The following DDX10 variants were observed in gnomAD, a reference collection of about 807,000 sequenced individuals.
DDX10 encodes the protein probable ATP-dependent RNA helicase DDX10.
In DDX10, 74 loss-of-function variants were observed where a neutral mutation model predicts 104.3. The observed-to-expected ratio is 0.71, with a 90% CI of 0.59 to 0.86. The LOEUF (loss-of-function observed/expected upper bound fraction) is 0.86. Ranked by LOEUF, DDX10 falls within the 40% of genes least tolerant of loss-of-function variation. DDX10 has a pLI of 0.00. For missense variants in DDX10, 952 were observed against 1,040.0 expected, an observed-to-expected ratio of 0.92 and a Z score of 1.16; for synonymous variants, 351 against 353.4, an observed-to-expected ratio of 0.99 and a Z score of 0.08.
In DDX10 at chr11:108,725,834, G is replaced by A. The variant is rs79698022; in HGVS notation, c.1965+2372G>A. Among the ~76,000 whole-genome samples the A allele has an allele frequency of 1.6e-4, 24 of 152,034 alleles. No individual in the cohort carries two copies. In the East Asian group the frequency reaches 1.7e-3, roughly 11 times the overall value. On this transcript the variant is annotated intron_variant, in intron 13 of 17. Transcript: ENST00000322536. Reference sequence around the variant, plus strand: ...ATTTTAGGTAATTTATATATGTGTCGTATCTGATAAATCTGTGATTGACCC... The same window carrying A: ...ATTTTAGGTAATTTATATATGTGTCATATCTGATAAATCTGTGATTGACCC...
At chr11:108,938,705 AG>A (rs1312509699) in intron 17 of DDX10, among the ~76,000 whole-genome samples, 1 of 152,226 alleles carries the variant, frequency 6.6e-6, no homozygotes, top group Non-Finnish European at 1.5e-5. Context: ...GTGGCTTTAA[AG>A]AACCTCATAG....
rs549201898 is a variant in DDX10 at position 108,707,489 on chromosome 11, C to T, written c.1322+652C>T. Among the ~76,000 whole-genome samples, 74 of 152,178 alleles carry T rather than the reference C, an allele frequency of 4.9e-4. 1 individual carries two copies. The highest frequency in any genetic ancestry group is 1.5e-3 in the African/African-American group (62 of 41,512). Reference sequence around the variant, plus strand: ...ACTGAATAACATTTCATTGTCTGGACGCAACAGTTTTTATTCACCTACTGA... The same window carrying T: ...ACTGAATAACATTTCATTGTCTGGATGCAACAGTTTTTATTCACCTACTGA... On this transcript the variant is annotated intron_variant, in intron 10 of 17. Coordinates refer to ENST00000322536, the MANE Select transcript of DDX10 (RefSeq NM_004398.4).
intron 13 of DDX10, among the ~76,000 whole-genome samples, chr11:108,784,268 A>G (rs1345217737): frequency 1.3e-5 from 2 of 152,190 alleles, no homozygotes; most frequent in Non-Finnish European, 2.9e-5. Flanking sequence ...GCCTTCCTAC[A>G]AACAGCATTC....
At chr11:108,686,550 C>T (rs978968363) in intron 6 of DDX10, among the ~76,000 whole-genome samples, 15 of 152,172 alleles carry the variant, frequency 9.9e-5, no homozygotes, top group African/African-American at 3.1e-4. Context: ...TGCTCCATGT[C>T]TTTTCATGGA....
intron 16 of DDX10, among the ~76,000 whole-genome samples, chr11:108,916,266 A>G (rs1018095648): frequency 6.6e-6 from 1 of 152,122 alleles, no homozygotes; most frequent in African/African-American, 2.4e-5. Flanking sequence ...AGGAAATTAG[A>G]ATTCTTGAGT....
At chr11:108,677,448 G>T (rs539498387) in intron 4 of DDX10, among the ~76,000 whole-genome samples, 2 of 151,728 alleles carry the variant, frequency 1.3e-5, no homozygotes, top group South Asian at 4.2e-4. Flanking sequence ...TTTTTTTGTC[G>T]GGGAATCTGA....
intron 16 of DDX10, among the ~76,000 whole-genome samples, chr11:108,901,159 C>T (rs1325592135): frequency 1.3e-5 from 2 of 152,182 alleles, no homozygotes; most frequent in South Asian, 2.1e-4. Flanking sequence ...TAGAATAATA[C>T]ATGCCCCTGT....
chr11:108,796,723 A>G (rs944728296), intron 13 of DDX10, among the ~76,000 whole-genome samples: 2 of 152,144 alleles, frequency 1.3e-5, no homozygotes, highest in Non-Finnish European at 2.9e-5. Context: ...CTCCAAAGTT[A>G]TTGTGTTGGA....
At chr11:108,690,169 C>T (rs759852117) in intron 7 of DDX10, 1 of 152,124 alleles carries the variant, frequency 6.6e-6, no homozygotes, top group Non-Finnish European at 1.5e-5. Flanking sequence ...TAGCCAACAA[C>T]AAAACAATAA....
At chr11:108,929,984 T>G (rs1288500711) in intron 17 of DDX10, among the ~76,000 whole-genome samples, 1 of 152,228 alleles carries the variant, frequency 6.6e-6, no homozygotes, top group African/African-American at 2.4e-5. Flanking sequence ...TTGTTACAAT[T>G]GATGAACTAA....
At position 108,677,250 on chromosome 11, in the gene DDX10, C is replaced by A; in HGVS notation, c.537+7C>A. The A allele has an allele frequency of 6.2e-7, 1 of 1,610,290 alleles. No homozygotes were observed. The highest frequency in any genetic ancestry group is 1.1e-5 in the South Asian group (1 of 90,782). ...TCTCATCATTGGTGGAAAGGTTTGTCCTTTTGTCTATGTCCTTCCTTTCCT... is the reference window on the plus strand; with the variant it reads ...TCTCATCATTGGTGGAAAGGTTTGTACTTTTGTCTATGTCCTTCCTTTCCT... On this transcript the variant is annotated splice_region_variant and intron_variant, in intron 4 of 17. Coordinates refer to ENST00000322536, the MANE Select transcript of DDX10 (RefSeq NM_004398.4).
intron 15 of DDX10, among the ~76,000 whole-genome samples, chr11:108,850,489 G>T (rs1190297356): frequency 6.6e-6 from 1 of 152,100 alleles, no homozygotes; most frequent in African/African-American, 2.4e-5. Context: ...ATGTGTTGGA[G>T]GAAGATCAGT....
At chr11:108,871,864 G>T (rs1863086852) in intron 16 of DDX10, among the ~76,000 whole-genome samples, 1 of 151,842 alleles carries the variant, frequency 6.6e-6, no homozygotes, top group Non-Finnish European at 1.5e-5. Flanking sequence ...GGAGGTGGAG[G>T]TTGTGGTGAG....
intron 13 of DDX10, among the ~76,000 whole-genome samples, chr11:108,758,121 C>A (rs969008477): frequency 6.6e-6 from 1 of 151,970 alleles, no homozygotes; most frequent in African/African-American, 2.4e-5. Flanking sequence ...TTCAAATGTC[C>A]TCCAAGAGAT....
At chr11:108,938,343 A>G (rs1864062086) in intron 17 of DDX10, among the ~76,000 whole-genome samples, 3 of 152,144 alleles carry the variant, frequency 2.0e-5, no homozygotes, top group African/African-American at 4.8e-5. Flanking sequence ...TCTACCTTTT[A>G]TTATCCAAAC....
At chr11:108,666,599 C>G (rs373277155) in intron 1 of DDX10, among the ~76,000 whole-genome samples, 1 of 152,148 alleles carries the variant, frequency 6.6e-6, no homozygotes, top group Non-Finnish European at 1.5e-5. Context: ...GGGACTTGCT[C>G]CCTCCAGAGG....
chr11:108,861,593 C>G (rs1284861246), intron 16 of DDX10, among the ~76,000 whole-genome samples: 1 of 151,912 alleles, frequency 6.6e-6, no homozygotes, highest in Non-Finnish European at 1.5e-5. Flanking sequence ...TTTGTAAAAG[C>G]AAAACTAATA....
At chr11:108,750,213 A>G (rs1337662236) in intron 13 of DDX10, among the ~76,000 whole-genome samples, 1 of 152,198 alleles carries the variant, frequency 6.6e-6, no homozygotes, top group African/African-American at 2.4e-5. Flanking sequence ...GGAAACAATC[A>G]GGAAAGCTAA....
At chr11:108,836,282 C>T (rs946308285) in intron 13 of DDX10, among the ~76,000 whole-genome samples, 2 of 152,102 alleles carry the variant, frequency 1.3e-5, no homozygotes, top group Admixed American at 6.5e-5. Context: ...CATGTTGAAT[C>T]GGAAATACAA....
Sources: gnomAD v4.1 joint callset for allele counts (sites outside exome capture counted in the v4.1 genomes callset) on GRCh38, gnomAD v4.1.1 for gene constraint, MANE v1.5 for transcripts, NCBI Gene and HGNC (gene_info 2026-07-23, HGNC 2026-07-21) for gene names.